SDK2: variants seen among roughly 807,000 people sequenced by gnomAD.
SDK2 encodes protein sidekick-2.
In SDK2, 105 loss-of-function variants were observed where a neutral mutation model predicts 253.9. The observed-to-expected ratio is 0.41, with a 90% CI of 0.35 to 0.49. The LOEUF (loss-of-function observed/expected upper bound fraction) is 0.49. Among genes scored for constraint, SDK2 ranks in the 20% least tolerant of loss-of-function variants. The pLI is 0.06. For missense variants in SDK2, 2,608 were observed against 3,003.0 expected (o/e 0.87, Z 3.07); for synonymous variants, 1,249 against 1,234.9 (o/e 1.01, Z -0.24).
At chr17:73,464,916 A>C (rs553061605) in intron 3 of SDK2, among the ~76,000 whole-genome samples, 1 of 151,864 alleles carries the variant, frequency 6.6e-6, no homozygotes, top group South Asian at 2.1e-4. Flanking sequence ...TTCTCTTGCT[A>C]CTTTCTTCGA....
chr17:73,382,686 C>A (rs1032839602), intron 33 of SDK2, among the ~76,000 whole-genome samples: 1 of 152,226 alleles, frequency 6.6e-6, no homozygotes, highest in Non-Finnish European at 1.5e-5. Context: ...AATTATGATG[C>A]GAGTGGCTGA....
At chr17:73,380,973 C>CGGGGGGG in intron 33 of SDK2, 23 bp from the exon 34 acceptor site, 1 of 604,324 alleles carries the variant, frequency 1.7e-6, no homozygotes, top group Non-Finnish European at 3.0e-6. Context: ...GGTGCCGGGG[C>CGGGGGGG]GGGGGCGCAG....
chr17:73,597,935 G>T (rs184817435), intron 1 of SDK2, among the ~76,000 whole-genome samples: 2 of 152,114 alleles, frequency 1.3e-5, no homozygotes, highest in African/African-American at 4.8e-5. Context: ...CTGAGCCACC[G>T]CGCCTGGCCT....
chr17:73,631,254 A>G lies in SDK2; in HGVS notation c.64+12771T>C, dbSNP rs185044632. ...CCTCCTTGGCAGCCCAGGCCCCACA[A>G]CGGTCTGCCGGCCAACCCGCTCTCT... On this transcript the variant is annotated intron_variant, in intron 1 of 44. Transcript: ENST00000392650. Among the ~76,000 whole-genome samples the G allele has an allele frequency of 7.0e-3, 1,063 of 152,276 alleles. 4 individuals carry two copies. The highest frequency in any genetic ancestry group is 0.012 in the Non-Finnish European group (805 of 68,012).
intron 6 of SDK2, among the ~76,000 whole-genome samples, chr17:73,439,849 TGGGTGACGTTGGGCA>T (rs1334810175): frequency 6.6e-6 from 1 of 152,162 alleles, no homozygotes; most frequent in African/African-American, 2.4e-5. Context: ...ATCATCCAGC[TGGGTGACGTTGGGCA>T]GGCCACTTGC....
At chr17:73,432,164 C>T (rs989570714) in intron 10 of SDK2, among the ~76,000 whole-genome samples, 1 of 152,008 alleles carries the variant, frequency 6.6e-6, no homozygotes, top group South Asian at 2.1e-4. Context: ...TAGAGAGGGA[C>T]ACGCTGTCCC....
intron 41 of SDK2, among the ~76,000 whole-genome samples, chr17:73,351,936 T>G (rs1247360122): frequency 6.6e-6 from 1 of 151,936 alleles, no homozygotes; most frequent in African/African-American, 2.4e-5. Context: ...TGGTTAGTGA[T>G]AACATTTTGG....
At chr17:73,385,821 G>T (rs111418273) in intron 32 of SDK2, 26 bp downstream of exon 32, 27 of 1,586,316 alleles carry the variant, frequency 1.7e-5, no homozygotes, top group African/African-American at 1.6e-4. Context: ...GGTCTTCACG[G>T]AGGTTTCCTG....
At chr17:73,468,587 C>T (rs11658955) in intron 3 of SDK2, among the ~76,000 whole-genome samples, 39,959 of 152,006 alleles carry the variant, frequency 0.26, 6,072 homozygotes, top group East Asian at 0.37. Context: ...TCTCAGCTCA[C>T]TGCAACCTCC....
intron 12 of SDK2, among the ~76,000 whole-genome samples, chr17:73,425,758 C>T (rs2063276511): frequency 6.6e-6 from 1 of 152,156 alleles, no homozygotes; most frequent in South Asian, 2.1e-4. Context: ...CCACCTGCCT[C>T]AGCCTCCCAA....
chr17:73,512,303 T>C (rs1028360042), intron 1 of SDK2, among the ~76,000 whole-genome samples: 1 of 152,120 alleles, frequency 6.6e-6, no homozygotes, highest in Non-Finnish European at 1.5e-5. Flanking sequence ...TTGATCTATA[T>C]AAAGATGGAC....
At position 73,390,327 on chromosome 17, in the gene SDK2, TC is replaced by T; in HGVS notation, c.4151del (p.Gly1384GlufsTer9). 1 of 1,605,258 alleles carries T rather than the reference TC, an allele frequency of 6.2e-7. No homozygotes were observed. Reference sequence around the variant, plus strand: ...TCACCACCAAGGCCTCGGCAGCTTCTCCCCAGCCCTTGCGGGTCTGGGCCGT... The same window carrying T: ...TCACCACCAAGGCCTCGGCAGCTTCTCCCAGCCCTTGCGGGTCTGGGCCGT... ...RITAQTRKGW[G>X]EAAEALVVTT... On this transcript the variant is annotated frameshift_variant, in exon 29 of 45. Transcript: ENST00000392650. LOFTEE classifies it high-confidence loss of function.
At chr17:73,445,059 G>A (rs966866817) in intron 5 of SDK2, among the ~76,000 whole-genome samples, 11 of 152,294 alleles carry the variant, frequency 7.2e-5, no homozygotes, top group Admixed American at 5.9e-4. Flanking sequence ...TTATGCATAC[G>A]ACTCTACTTT....
chr17:73,519,523 A>C (rs964918983), intron 1 of SDK2: 3 of 152,142 alleles, frequency 2.0e-5, no homozygotes, highest in Non-Finnish European at 4.4e-5. Context: ...GACAAGAAGG[A>C]AAGATGGGTA....
intron 32 of SDK2, 124 bp downstream of exon 32, chr17:73,385,723 C>T: frequency 1.2e-6 from 1 of 855,850 alleles, no homozygotes; most frequent in African/African-American, 1.7e-5. Context: ...CATGGCTTCC[C>T]AGGCGCTCTG....
chr17:73,569,199 C>CT (rs531392828), intron 1 of SDK2, among the ~76,000 whole-genome samples: 5,435 of 137,452 alleles, frequency 0.04, 141 homozygotes, highest in African/African-American at 0.071. Flanking sequence ...TCTTTCTTTT[C>CT]TTTTTTTTTT....
At position 73,390,251 on chromosome 17, in the gene SDK2, G is replaced by A. The variant is rs777128128; in HGVS notation, c.4192+36C>T. On this transcript the variant is annotated intron_variant, in intron 29 of 44. Coordinates refer to ENST00000392650, the MANE Select transcript of SDK2 (RefSeq NM_001144952.2). Reference sequence around the variant, plus strand: ...AGCACTGGCTGGCCCCCCCTCAGCTGCCCCCAAGCCTTCCCTGGCCCCCGT... The same window carrying A: ...AGCACTGGCTGGCCCCCCCTCAGCTACCCCCAAGCCTTCCCTGGCCCCCGT... The A allele has an allele frequency of 3.3e-6, 5 of 1,502,334 alleles. No homozygotes were observed. In the South Asian group the frequency reaches 6.4e-5, roughly 19 times the overall value. 93.1% of individuals were successfully genotyped at this position (1,502,334 alleles called of 1,614,324 possible).
intron 1 of SDK2, among the ~76,000 whole-genome samples, chr17:73,574,657 G>A (rs762575196): frequency 3.9e-4 from 60 of 152,062 alleles, no homozygotes; most frequent in Non-Finnish European, 7.2e-4. Flanking sequence ...CCTCCCCTTC[G>A]GAACCAAGGC....
At chr17:73,507,327 T>C in intron 2 of SDK2, 111 bp downstream of exon 2, 3 of 1,188,138 alleles carry the variant, frequency 2.5e-6, no homozygotes, top group East Asian at 2.6e-5. Context: ...CTCCAGGCTC[T>C]AGGAGCCCTG....
Sources: allele counts gnomAD v4.1 joint callset (sites outside exome capture counted in the v4.1 genomes callset), GRCh38; gene constraint gnomAD v4.1.1; transcripts MANE v1.5; gene names NCBI Gene and HGNC (gene_info 2026-07-23, HGNC 2026-07-21).